PPM1D: variants seen among roughly 807,000 people sequenced by gnomAD.
PPM1D encodes the protein protein phosphatase, Mg2+/Mn2+ dependent 1D, also known as protein phosphatase 1D.
Under a neutral mutation model 58.3 loss-of-function variants are expected in PPM1D, and 52 were observed. The ratio of observed to expected loss-of-function variants is 0.89; its 90% confidence interval spans 0.71 to 1.12. The LOEUF (loss-of-function observed/expected upper bound fraction) is 1.12, where lower values mean the gene tolerates loss of function less well. Ranked by LOEUF, PPM1D falls within the 50% of genes most tolerant of loss-of-function variation. The pLI is 0.00. For missense variants in PPM1D, 564 were observed against 777.2 expected (o/e 0.73, Z 3.26); for synonymous variants, 278 against 285.1 (o/e 0.98, Z 0.25).
At chr17:60,650,340 C>G (rs1598411639) in intron 4 of PPM1D, among the ~76,000 whole-genome samples, 3 of 152,330 alleles carry the variant, frequency 2.0e-5, no homozygotes, top group Admixed American at 2.0e-4. Flanking sequence ...CACTTGAGGT[C>G]AGGAGTTCGA....
At chr17:60,652,548 C>CTT (rs2031363353) in intron 4 of PPM1D, among the ~76,000 whole-genome samples, 1 of 95,476 alleles carries the variant, frequency 1.0e-5, no homozygotes, top group African/African-American at 4.0e-5. Flanking sequence ...TAGTTTACTT[C>CTT]TGTTTTTTTT....
At chr17:60,644,956 A>G (rs1020163485) in intron 3 of PPM1D, among the ~76,000 whole-genome samples, 1 of 152,236 alleles carries the variant, frequency 6.6e-6, no homozygotes, top group Non-Finnish European at 1.5e-5. Flanking sequence ...AATCAAAGAA[A>G]TAGAAATATA....
In PPM1D at chr17:60,656,857, GTTT is replaced by G. The variant is rs1051177157; in HGVS notation, c.1260+19_1260+21del. The G allele has an allele frequency of 6.2e-7, 1 of 1,613,446 alleles. No homozygotes were observed. The highest frequency in any genetic ancestry group is 1.7e-5 in the Admixed American group (1 of 59,884). ...ACCAGTCAAGGTATATAGTTCCATA[GTTT>G]TTAAGTTATGTTTTAATAGACACCA... On this transcript the variant is annotated intron_variant, in intron 5 of 5. Transcript: ENST00000305921.
chr17:60,653,764 T>A (rs752474410), intron 4 of PPM1D, among the ~76,000 whole-genome samples: 2 of 152,238 alleles, frequency 1.3e-5, no homozygotes, highest in African/African-American at 4.8e-5. Context: ...TTAAATTGAT[T>A]ACTAGGCATT....
At position 60,663,256 on chromosome 17, in the gene PPM1D, A is replaced by G; in HGVS notation, c.1522A>G (p.Met508Val). 1 of 1,614,226 alleles carries G rather than the reference A, an allele frequency of 6.2e-7. No individual in the cohort carries two copies. Among genetic ancestry groups the G allele is most frequent in the East Asian group, 2.2e-5 (1 of 44,888 alleles). The change falls in exon 6 of 6, where the codon ATG (methionine) becomes GTG (valine). Residue 508 changes from methionine (M) to valine (V), a missense_variant. Met to Val is a conservative substitution (Grantham distance 21). Around this residue, in one of 7 missense-constraint regions of PPM1D, gnomAD observed 261 missense variants for 270.1 expected, o/e 0.97. Transcript: ENST00000305921. ...GCCTACTAATTCAACAAACACTGTC[A>G]TGGACCAAAAAAATTTGAAGATGTC... is the stretch of plus-strand genomic sequence containing the variant. The part of the protein sequence containing the change: ...LVPTNSTNTV[M>V]DQKNLKMSTP...
At chr17:60,609,099 T>C (rs1305586394) in intron 1 of PPM1D, among the ~76,000 whole-genome samples, 1 of 151,182 alleles carries the variant, frequency 6.6e-6, no homozygotes, top group Non-Finnish European at 1.5e-5. Flanking sequence ...TTTTGTTTGT[T>C]TGTTTGTTTT....
At chr17:60,660,007 C>T (rs544012704) in intron 5 of PPM1D, among the ~76,000 whole-genome samples, 5 of 151,438 alleles carry the variant, frequency 3.3e-5, no homozygotes, top group East Asian at 1.9e-4. Flanking sequence ...GTCAGGAGTT[C>T]GAGGCCAATA....
intron 2 of PPM1D, among the ~76,000 whole-genome samples, chr17:60,628,276 A>AC (rs929980998): frequency 1.4e-4 from 21 of 151,884 alleles, no homozygotes; most frequent in South Asian, 6.2e-4. Context: ...ACTTTGGCCT[A>AC]CCCCCCGTCT....
intron 1 of PPM1D, among the ~76,000 whole-genome samples, chr17:60,620,551 G>C (rs1179157642): frequency 6.6e-6 from 1 of 152,038 alleles, no homozygotes; most frequent in Non-Finnish European, 1.5e-5. Flanking sequence ...TTTTGAGACA[G>C]AGTCTCGCTG....
rs895255733 is a variant in PPM1D, at chr17:60,600,367, C to G, written c.-48C>G. 1.1e-5 allele frequency: 17 copies of G among 1,536,968 alleles called. No individual in the cohort carries two copies. The highest frequency in any genetic ancestry group is 2.4e-5 in the South Asian group (2 of 83,648). ...GAGCGCCTAGTGTGTCTCCCGCCGC[C>G]GGATTCGGCGGGCTGCGTGGGACCG... On this transcript the variant is annotated 5_prime_UTR_variant, in exon 1 of 6. Coordinates refer to ENST00000305921, the MANE Select transcript of PPM1D (RefSeq NM_003620.4).
In PPM1D at chr17:60,648,021, T is replaced by C. The variant is rs1179075649; in HGVS notation, c.956T>C (p.Met319Thr). 6.2e-7 allele frequency: 1 copy of C among 1,613,988 alleles called. No homozygotes were observed. The highest frequency in any genetic ancestry group is 1.1e-5 in the South Asian group (1 of 91,050). The change falls in exon 4 of 6, where the codon ATG (methionine) becomes ACG (threonine). Residue 319 changes from methionine to threonine, a missense_variant. Met to Thr is a moderately conservative substitution (Grantham distance 81). This residue lies in a region of PPM1D where 34 missense variants were observed against 34.3 expected (regional missense o/e 0.99). Coordinates refer to ENST00000305921, the MANE Select transcript of PPM1D (RefSeq NM_003620.4). ...TTGGGGAGTGATGGACTTTGGAATATGATTCCACCACAAGATGCCATCTCA... is the reference window on the plus strand; with the variant it reads ...TTGGGGAGTGATGGACTTTGGAATACGATTCCACCACAAGATGCCATCTCA... ...IILGSDGLWN[M>T]IPPQDAISMC...
At chr17:60,621,016 A>G (rs1376571956) in intron 1 of PPM1D, among the ~76,000 whole-genome samples, 5 of 151,106 alleles carry the variant, frequency 3.3e-5, no homozygotes, top group African/African-American at 4.9e-5. Context: ...TCCACCTCCA[A>G]GGTTCAAGCG....
rs375732384 is a variant in PPM1D at position 60,623,616 on chromosome 17, G to A, written c.568G>A (p.Val190Ile). Residue 190 changes from valine to isoleucine, a missense_variant, in exon 2 of 6, where the codon GTA becomes ATA. By Grantham distance (29) the Val-to-Ile change is conservative (BLOSUM62 3). This residue lies in a region of PPM1D where 95 missense variants were observed against 232.6 expected (regional missense o/e 0.41). Coordinates refer to ENST00000305921, the MANE Select transcript of PPM1D (RefSeq NM_003620.4). Reference protein sequence around the residue: ...IRGMKMYVAHVGDSGVVLGIQ... With the variant: ...IRGMKMYVAHIGDSGVVLGIQ... Reference sequence around the variant, plus strand: ...GGGCATGAAGATGTATGTAGCTCACGTAGGTGACTCAGGGGTGGTTCTTGG... The same window carrying A: ...GGGCATGAAGATGTATGTAGCTCACATAGGTGACTCAGGGGTGGTTCTTGG... The A allele has an allele frequency of 6.2e-7, 1 of 1,614,084 alleles. No individual in the cohort carries two copies. Among genetic ancestry groups the A allele is most frequent in the Non-Finnish European group, 8.5e-7 (1 of 1,180,050 alleles).
chr17:60,623,398 T>G, intron 1 of PPM1D, 123 bp from the exon 2 acceptor site: 1 of 925,622 alleles, frequency 1.1e-6, no homozygotes, highest in Non-Finnish European at 1.6e-6. Flanking sequence ...ATATTTTTCT[T>G]AAATTGTTTC....
Position 60,600,645 on chromosome 17 carries a change from C to G in PPM1D, c.231C>G (p.Asp77Glu). 2 of 1,552,218 alleles carry G rather than the reference C, an allele frequency of 1.3e-6. No individual in the cohort carries two copies. The highest frequency in any genetic ancestry group is 1.7e-6 in the Non-Finnish European group (2 of 1,152,338). ...CGGTGGCAGCCCGAGAGGCTCGCGA[C>G]CCTCTCCCGGACGCCGGGGCCTCGC... is the stretch of plus-strand genomic sequence containing the variant. The part of the protein sequence containing the change: ...GPAVAAREAR[D>E]PLPDAGASPA... Residue 77 changes from aspartate to glutamate, a missense_variant, in exon 1 of 6, where the codon GAC becomes GAG. Asp to Glu is a conservative substitution (Grantham distance 45). This residue lies in a region of PPM1D where 132 missense variants were observed against 150.4 expected (regional missense o/e 0.88). Transcript: ENST00000305921.
At position 60,663,841 on chromosome 17, in the gene PPM1D, A is replaced by G; in HGVS notation, c.*289A>G. The G allele has an allele frequency of 3.9e-6, 1 of 253,568 alleles. No homozygotes were observed. Among genetic ancestry groups the G allele is most frequent in the East Asian group, 7.1e-5 (1 of 14,024 alleles). The allele number at this position is 253,568 out of a possible 1,614,324, so 15.7% of individuals were successfully genotyped here. On this transcript the variant is annotated 3_prime_UTR_variant, in exon 6 of 6. Transcript: ENST00000305921. Reference sequence around the variant, plus strand: ...GTCTCTGATACACAGTAATTGTGACAATAGGGCTAAATGTTTAAAGAAATC... The same window carrying G: ...GTCTCTGATACACAGTAATTGTGACGATAGGGCTAAATGTTTAAAGAAATC...
intron 4 of PPM1D, among the ~76,000 whole-genome samples, chr17:60,652,486 A>AT (rs1465740975): frequency 1.4e-5 from 2 of 139,138 alleles, no homozygotes; most frequent in Non-Finnish European, 3.1e-5. Context: ...CAGTGTATTG[A>AT]TTTTCTTTCT....
chr17:60,665,305 G>A lies in PPM1D; in HGVS notation c.*1753G>A, dbSNP rs1196461136. 6.6e-6 allele frequency: 1 copy of A among 152,122 alleles called. No individual in the cohort carries two copies. The highest frequency in any genetic ancestry group is 1.5e-5 in the Non-Finnish European group (1 of 68,038). The allele number at this position is 152,122 out of a possible 1,614,324, so 9.4% of individuals were successfully genotyped here. On this transcript the variant is annotated 3_prime_UTR_variant, in exon 6 of 6. Transcript: ENST00000305921. ...CTTTCAATGTATTTCTTACATTTCAGTTCAAGTGATTTTCATGTCTCAGCC... is the reference window on the plus strand; with the variant it reads ...CTTTCAATGTATTTCTTACATTTCAATTCAAGTGATTTTCATGTCTCAGCC...
chr17:60,658,494 C>CA (rs2031477127), intron 5 of PPM1D, among the ~76,000 whole-genome samples: 1 of 150,812 alleles, frequency 6.6e-6, no homozygotes, highest in African/African-American at 2.4e-5. Context: ...ACTAAAAATA[C>CA]AAAATTAGCC....
Sources: gnomAD v4.1 joint callset for allele counts (sites outside exome capture counted in the v4.1 genomes callset) on GRCh38, gnomAD v4.1.1 for gene constraint, gnomAD v4.1.1 regional missense constraint, MANE v1.5 for transcripts, NCBI Gene and HGNC (gene_info 2026-07-23, HGNC 2026-07-21) for gene names.